KDM7A: variants seen among roughly 807,000 people sequenced by gnomAD.
KDM7A encodes the protein lysine demethylase 7A.
KDM7A carries 28 observed loss-of-function variants against 114.8 expected under a neutral mutation model. That is an observed-to-expected ratio of 0.24 (90% confidence interval 0.18 to 0.33). The LOEUF (loss-of-function observed/expected upper bound fraction) is 0.33. KDM7A is among the 10% of genes least tolerant of loss of function. KDM7A has a pLI of 1.00. For synonymous variants in KDM7A, 423 were observed against 397.8 expected (o/e 1.06, Z -0.75); for missense variants, 942 against 1,142.5 (o/e 0.82, Z 2.53).
chr7:140,124,815 A>G, intron 6 of KDM7A, 32 bp from the exon 7 acceptor site: 1 of 1,423,720 alleles, frequency 7.0e-7, no homozygotes, highest in Non-Finnish European at 9.7e-7. Flanking sequence ...TTTTTGAAAA[A>G]GCAAAAGCCA....
At chr7:140,096,433 T>TTA in intron 17 of KDM7A, 122 bp downstream of exon 17, 1 of 779,048 alleles carries the variant, frequency 1.3e-6, no homozygotes. Flanking sequence ...TTGGTCAACC[T>TTA]TCTTAACACA....
rs1166231068 is a variant in KDM7A, at chr7:140,133,404, A to G, written c.398+135T>C. 11 of 549,434 alleles carry G rather than the reference A, an allele frequency of 2.0e-5. No homozygotes were observed. In the East Asian group the frequency reaches 3.0e-4, roughly 15 times the overall value. 34.0% of individuals were successfully genotyped at this position (549,434 alleles called of 1,614,324 possible). A position where few individuals can be genotyped will look rare whatever the true frequency, so the allele number is the denominator to read the frequency against. Reference sequence around the variant, plus strand: ...ACTTTTCTATTTCGTTAAGGAAGAAAAAAGGTGAAAAGCTGGCTGAGGACA... The same window carrying G: ...ACTTTTCTATTTCGTTAAGGAAGAAGAAAGGTGAAAAGCTGGCTGAGGACA... On this transcript the variant is annotated intron_variant, in intron 3 of 19. Coordinates refer to ENST00000397560, the MANE Select transcript of KDM7A (RefSeq NM_030647.2).
At chr7:140,124,584 CA>C in intron 7 of KDM7A, 36 bp downstream of exon 7, 1 of 1,523,222 alleles carries the variant, frequency 6.6e-7, no homozygotes, top group Non-Finnish European at 8.9e-7. Context: ...ATGTGACTAT[CA>C]ATCATGTTGA....
intron 5 of KDM7A, 59 bp downstream of exon 5, chr7:140,127,383 A>T: frequency 7.1e-7 from 1 of 1,400,772 alleles, no homozygotes; most frequent in East Asian, 2.3e-5. Context: ...TAAATACATC[A>T]TTACACTACA....
intron 7 of KDM7A, among the ~76,000 whole-genome samples, chr7:140,120,881 T>TA (rs1159573491): frequency 6.6e-6 from 1 of 152,208 alleles, no homozygotes; most frequent in Non-Finnish European, 1.5e-5. Flanking sequence ...GTGCTGAAAT[T>TA]AAGGCGTGAG....
chr7:140,154,357 G>A (rs1206341526), intron 1 of KDM7A, among the ~76,000 whole-genome samples: 1 of 151,708 alleles, frequency 6.6e-6, no homozygotes, highest in Non-Finnish European at 1.5e-5. Context: ...AGCCAGGTAT[G>A]GTGGCATGTA....
At chr7:140,118,897 A>G (rs995388594) in intron 9 of KDM7A, among the ~76,000 whole-genome samples, 3 of 152,212 alleles carry the variant, frequency 2.0e-5, no homozygotes, top group African/African-American at 7.2e-5. Flanking sequence ...GGTCTTTCAT[A>G]ACAAATTTTT....
intron 1 of KDM7A, among the ~76,000 whole-genome samples, chr7:140,140,824 G>A (rs1794263895): frequency 1.3e-5 from 2 of 151,746 alleles, no homozygotes; most frequent in Non-Finnish European, 2.9e-5. Context: ...CTGTGCTGGA[G>A]GATCGAACTG....
intron 1 of KDM7A, among the ~76,000 whole-genome samples, chr7:140,152,430 G>A (rs1234070834): frequency 6.6e-6 from 1 of 152,128 alleles, no homozygotes; most frequent in Non-Finnish European, 1.5e-5. Flanking sequence ...TTCAAGACCA[G>A]CCTGGGCGAC....
intron 4 of KDM7A, among the ~76,000 whole-genome samples, chr7:140,127,790 C>T (rs868388022): frequency 3.3e-5 from 5 of 152,224 alleles, no homozygotes; most frequent in Middle Eastern, 3.4e-3. Context: ...AAAAGGAAAG[C>T]AGTAAGACAG....
Position 140,096,546 on chromosome 7 carries a change from G to A in KDM7A, c.2374+9C>T. On this transcript the variant is annotated intron_variant, in intron 17 of 19. Transcript: ENST00000397560. ...TACTTTTTAGAGACTGATAATTTAT[G>A]TTTCTTACCACATTCCACTGGTTTA... is the stretch of plus-strand genomic sequence containing the variant. 1 of 1,605,216 alleles carries A rather than the reference G, an allele frequency of 6.2e-7. No homozygotes were observed. The highest frequency in any genetic ancestry group is 8.5e-7 in the Non-Finnish European group (1 of 1,171,950).
At chr7:140,166,908 G>C (rs35045323) in intron 1 of KDM7A, among the ~76,000 whole-genome samples, 11,123 of 151,928 alleles carry the variant, frequency 0.073, 488 homozygotes, top group Non-Finnish European at 0.11. Flanking sequence ...ATTTTTTTCA[G>C]CAAAGTAGTA....
At chr7:140,100,677 T>TAA (rs1297071752) in intron 12 of KDM7A, among the ~76,000 whole-genome samples, 2 of 41,530 alleles carry the variant, frequency 4.8e-5, no homozygotes, top group African/African-American at 1.0e-4. Flanking sequence ...TATATATATA[T>TAA]ATACATATAT....
intron 1 of KDM7A, among the ~76,000 whole-genome samples, chr7:140,162,789 T>C (rs576723422): frequency 5.9e-5 from 9 of 152,188 alleles, no homozygotes; most frequent in African/African-American, 1.9e-4. Context: ...ATATATATCC[T>C]GCAGCACTGT....
chr7:140,113,603 T>G (rs192346030), intron 9 of KDM7A, 21 bp from the exon 10 acceptor site: 1 of 1,334,084 alleles, frequency 7.5e-7, no homozygotes, highest in African/African-American at 1.5e-5. Context: ...GGAAATGGGG[T>G]GAGAAAAAAA....
At chr7:140,097,745 A>G in intron 14 of KDM7A, 103 bp from the exon 15 acceptor site, 1 of 658,870 alleles carries the variant, frequency 1.5e-6, no homozygotes, top group Non-Finnish European at 2.8e-6. Context: ...GATGTCTCTC[A>G]ATCTCTCTTG....
At chr7:140,104,906 T>G (rs1463260620) in intron 11 of KDM7A, among the ~76,000 whole-genome samples, 1 of 152,252 alleles carries the variant, frequency 6.6e-6, no homozygotes, top group Non-Finnish European at 1.5e-5. Flanking sequence ...TTCATATTGA[T>G]TCTTCCTATC....
intron 18 of KDM7A, among the ~76,000 whole-genome samples, chr7:140,092,551 T>C (rs1480011386): frequency 6.6e-6 from 1 of 152,204 alleles, no homozygotes; most frequent in African/African-American, 2.4e-5. Context: ...GGTGTTTTCC[T>C]TTCACTACAA....
rs367754669 is a variant in KDM7A, at chr7:140,102,017, G to A, written c.1572C>T (p.Asn524=). 198 of 1,613,754 alleles carry A rather than the reference G, an allele frequency of 1.2e-4. 1 individual carries two copies. The highest frequency in any genetic ancestry group is 4.9e-4 in the Middle Eastern group (3 of 6,084). The change falls in exon 12 of 20, where the codon AAC becomes AAT. Residue 524 remains asparagine (N), a synonymous_variant. Transcript: ENST00000397560. ...TTGTGTGGAGCTCTAGGATGTCTAG[G>A]TTAGAAGGAGTTCGGACATTATGAT... The part of the protein sequence containing the change: ...LRDHNVRTPS[N]LDILELHTRE...
Sources: allele counts gnomAD v4.1 joint callset (sites outside exome capture counted in the v4.1 genomes callset), GRCh38; gene constraint gnomAD v4.1.1; transcripts MANE v1.5; gene names NCBI Gene and HGNC (gene_info 2026-07-23, HGNC 2026-07-21).